Variants in GPC6 observed in about 807,000 individuals in gnomAD.
GPC6 encodes the protein glypican-6.
In GPC6, 14 loss-of-function variants were observed where a neutral mutation model predicts 55.2. That is an observed-to-expected ratio of 0.25 (90% CI 0.17 to 0.40). The LOEUF (loss-of-function observed/expected upper bound fraction) is 0.40, where lower values mean the gene tolerates loss of function less well. Among genes scored for constraint, GPC6 ranks in the 10% least tolerant of loss-of-function variants. GPC6 has a pLI of 1.00. For synonymous variants in GPC6, 278 were observed against 259.6 expected (o/e 1.07, Z -0.68); for missense variants, 641 against 708.5 (o/e 0.90, Z 1.08).
intron 2 of GPC6, among the ~76,000 whole-genome samples, chr13:93,720,329 T>A (rs2138821794): frequency 6.6e-6 from 1 of 152,264 alleles, no homozygotes; most frequent in African/African-American, 2.4e-5. Flanking sequence ...TATCCATTTC[T>A]TCTAGATTTT....
rs1882192394 is a variant in GPC6, at chr13:93,689,876, TCAGTC to T, written c.320-140273_320-140269del. ...GTTTGTCTTAAATCAGTCACTTAAA[TCAGTC>T]CAGTGTCTTAGATTAGTCATTCAGC... On this transcript the variant is annotated intron_variant, in intron 2 of 8. Coordinates refer to ENST00000377047, the MANE Select transcript of GPC6 (RefSeq NM_005708.5). Among the ~76,000 whole-genome samples, 3 of 152,256 alleles carry T rather than the reference TCAGTC, an allele frequency of 2.0e-5. No homozygotes were observed. The South Asian group carries it at 6.2e-4, about 32-fold the overall frequency.
intron 1 of GPC6, among the ~76,000 whole-genome samples, chr13:93,338,374 A>AT (rs1156290177): frequency 6.6e-6 from 1 of 152,142 alleles, no homozygotes; most frequent in Non-Finnish European, 1.5e-5. Context: ...GGAAGTTTGG[A>AT]TTTTCTCTTC....
At chr13:93,642,106 G>A (rs1335082986) in intron 2 of GPC6, among the ~76,000 whole-genome samples, 1 of 152,050 alleles carries the variant, frequency 6.6e-6, no homozygotes, top group Non-Finnish European at 1.5e-5. Flanking sequence ...CACCCAGGAA[G>A]TGACCATAGT....
chr13:93,499,158 A>G (rs1880430018), intron 1 of GPC6, among the ~76,000 whole-genome samples: 1 of 152,008 alleles, frequency 6.6e-6, no homozygotes, highest in Non-Finnish European at 1.5e-5. Context: ...AAAGGCAGCC[A>G]CAGTTTACAG....
At chr13:93,329,466 C>G (rs867294939) in intron 1 of GPC6, among the ~76,000 whole-genome samples, 7 of 152,188 alleles carry the variant, frequency 4.6e-5, no homozygotes, top group Admixed American at 2.6e-4. Context: ...ACTTCTGGCT[C>G]TGTTGATCAG....
At chr13:94,013,356 GT>G (rs1882328435) in intron 3 of GPC6, among the ~76,000 whole-genome samples, 1 of 151,548 alleles carries the variant, frequency 6.6e-6, no homozygotes, top group Non-Finnish European at 1.5e-5. Flanking sequence ...TTTGCTTTTT[GT>G]TTTTGTTTTT....
intron 4 of GPC6, among the ~76,000 whole-genome samples, chr13:94,048,771 C>T (rs1256519416): frequency 1.2e-4 from 19 of 152,012 alleles, no homozygotes; most frequent in Non-Finnish European, 2.1e-4. Flanking sequence ...ATTTGATTCC[C>T]TTCTGACTTA....
intron 1 of GPC6, among the ~76,000 whole-genome samples, chr13:93,439,788 C>T (rs1023945212): frequency 6.6e-6 from 1 of 152,128 alleles, no homozygotes; most frequent in African/African-American, 2.4e-5. Flanking sequence ...CTGAATAAGG[C>T]TTTTCTACAG....
intron 4 of GPC6, among the ~76,000 whole-genome samples, chr13:94,061,833 A>G (rs984642661): frequency 4.6e-5 from 7 of 151,946 alleles, no homozygotes; most frequent in African/African-American, 1.7e-4. Flanking sequence ...GATGCACTTC[A>G]AGACCCAAGG....
chr13:93,595,750 A>T (rs1877699569), intron 2 of GPC6, among the ~76,000 whole-genome samples: 1 of 152,148 alleles, frequency 6.6e-6, no homozygotes, highest in Admixed American at 6.5e-5. Flanking sequence ...TTGTTCTTTA[A>T]TATGCTGTAA....
intron 3 of GPC6, among the ~76,000 whole-genome samples, chr13:93,950,383 A>G (rs963028671): frequency 2.0e-5 from 3 of 152,226 alleles, no homozygotes; most frequent in East Asian, 1.9e-4. Flanking sequence ...CACTGAAATA[A>G]TAAACAAGTA....
At chr13:93,593,334 G>T (rs1435360742) in intron 2 of GPC6, among the ~76,000 whole-genome samples, 1 of 152,066 alleles carries the variant, frequency 6.6e-6, no homozygotes, top group African/African-American at 2.4e-5. Flanking sequence ...ATACACAGCA[G>T]ATATTTGTGG....
chr13:94,258,204 A>G (rs1237575189), intron 4 of GPC6, among the ~76,000 whole-genome samples: 2 of 152,178 alleles, frequency 1.3e-5, no homozygotes, highest in Non-Finnish European at 2.9e-5. Context: ...TACACCCAGC[A>G]AGTAATAATT....
intron 6 of GPC6, among the ~76,000 whole-genome samples, chr13:94,361,512 G>C (rs1307183446): frequency 6.6e-6 from 1 of 152,234 alleles, no homozygotes; most frequent in Non-Finnish European, 1.5e-5. Flanking sequence ...GTTTGCATTA[G>C]ATGTTTCTTG....
At chr13:93,566,506 A>T (rs1318162861) in intron 2 of GPC6, among the ~76,000 whole-genome samples, 2 of 151,030 alleles carry the variant, frequency 1.3e-5, no homozygotes, top group African/African-American at 4.9e-5. Flanking sequence ...AAAATGAAAA[A>T]TCTAGTTGTC....
At chr13:93,463,927 G>A (rs1158604887) in intron 1 of GPC6, among the ~76,000 whole-genome samples, 2 of 151,788 alleles carry the variant, frequency 1.3e-5, no homozygotes, top group African/African-American at 4.8e-5. Context: ...CCTTATAAAG[G>A]CATATCTCTG....
At chr13:93,293,945 C>T (rs1320526733) in intron 1 of GPC6, among the ~76,000 whole-genome samples, 3 of 151,110 alleles carry the variant, frequency 2.0e-5, no homozygotes, top group African/African-American at 7.4e-5. Context: ...CTTCAATTAT[C>T]GTCCATTGTA....
rs1268879558 is a variant in GPC6 at position 94,403,539 on chromosome 13, G to GC, written c.*322_*323insC. ...GAAGTAAAGGAATCTCACGTTGTGA[G>GC]GGTTTTTTTTTTCTCATTTAAAATA... On this transcript the variant is annotated 3_prime_UTR_variant, in exon 9 of 9. Coordinates refer to ENST00000377047, the MANE Select transcript of GPC6 (RefSeq NM_005708.5). 3 of 293,738 alleles carry GC rather than the reference G, an allele frequency of 1.0e-5. No homozygotes were observed. In the East Asian group the frequency reaches 2.5e-4, roughly 25 times the overall value. The allele number at this position is 293,738 out of a possible 1,614,324, so 18.2% of individuals were successfully genotyped here.
At chr13:93,228,166 G>C (rs991488812) in intron 1 of GPC6, among the ~76,000 whole-genome samples, 1 of 152,160 alleles carries the variant, frequency 6.6e-6, no homozygotes, top group African/African-American at 2.4e-5. Flanking sequence ...TCGGGCCGGG[G>C]GCGGGCAAGG....
Sources: gnomAD v4.1 joint callset for allele counts (sites outside exome capture counted in the v4.1 genomes callset) on GRCh38, gnomAD v4.1.1 for gene constraint, MANE v1.5 for transcripts, NCBI Gene and HGNC (gene_info 2026-07-23, HGNC 2026-07-21) for gene names.